OTOF: variants seen among roughly 807,000 people sequenced by gnomAD.
OTOF encodes otoferlin.
In OTOF, 218 loss-of-function variants were observed where a neutral mutation model predicts 236.8. That is an observed-to-expected ratio of 0.92 (90% confidence interval 0.82 to 1.03). The LOEUF (loss-of-function observed/expected upper bound fraction) is 1.03. OTOF is among the 50% of genes least tolerant of loss of function. The pLI, the probability that OTOF is intolerant of heterozygous loss-of-function variation, is 0.00. For synonymous variants in OTOF, 1,041 were observed against 1,072.5 expected (o/e 0.97, Z 0.57); for missense variants, 2,590 against 2,694.4 (o/e 0.96, Z 0.86).
chr2:26,491,775 C>G (rs1233929049), intron 9 of OTOF, among the ~76,000 whole-genome samples: 1 of 152,234 alleles, frequency 6.6e-6, no homozygotes, highest in Admixed American at 6.5e-5. Flanking sequence ...TGCACACAGG[C>G]AGGCTCAGGG....
Position 26,460,897 on chromosome 2 carries a change from C to T in OTOF, c.5667G>A (p.Trp1889Ter), listed in dbSNP as rs747471303. 18 of 1,614,060 alleles carry T rather than the reference C, an allele frequency of 1.1e-5. No homozygotes were observed. The highest frequency in any genetic ancestry group is 1.4e-5 in the Non-Finnish European group (17 of 1,180,036). ...SIFKQKRVKGWWPLLARNEND... is the reference protein window; with the variant it reads ...SIFKQKRVKG The stretch of plus-strand genomic sequence containing the variant: ...TCTCATTGCGGGCCAGGAGGGGCCA[C>T]CAGCCTTTGACGCGCTTTTGCTTGA... Residue 1889 changes from tryptophan (W) to a stop codon, truncating the protein, a stop_gained, in exon 44 of 47, where the codon TGG (tryptophan) becomes TGA (stop). Coordinates refer to ENST00000272371, the MANE Select transcript of OTOF (RefSeq NM_194248.3). LOFTEE classifies it high-confidence loss of function. The surrounding 1 kb of genome is among the most constrained non-coding windows in gnomAD (Gnocchi z 5.3).
Position 26,477,059 on chromosome 2 carries a change from T to TGGGGGGG in OTOF, c.2524-17_2524-16insCCCCCCC. The stretch of plus-strand genomic sequence containing the variant: ...TGTGCTGGGGCTGGGGGTTGGGGGG[T>TGGGGGGG]GGCCAGGGGCAGTGGGTAAGGGGGT... On this transcript the variant is annotated splice_polypyrimidine_tract_variant and intron_variant, in intron 21 of 46. Coordinates refer to ENST00000272371, the MANE Select transcript of OTOF (RefSeq NM_194248.3). The surrounding 1 kb of genome is among the most constrained non-coding windows in gnomAD (Gnocchi z 4.7). The TGGGGGGG allele has an allele frequency of 1.2e-6, 1 of 828,524 alleles. No homozygotes were observed. The highest frequency in any genetic ancestry group is 1.9e-6 in the Non-Finnish European group (1 of 520,110). 51.3% of individuals were successfully genotyped at this position (828,524 alleles called of 1,614,324 possible).
chr2:26,498,179 C>G (rs1666035396), intron 8 of OTOF, among the ~76,000 whole-genome samples: 1 of 152,206 alleles, frequency 6.6e-6, no homozygotes, highest in Non-Finnish European at 1.5e-5. Context: ...ATACGTTTCT[C>G]CCTTCCTCCA....
Position 26,475,928 on chromosome 2 carries a change from T to A in OTOF, c.2977A>T (p.Ser993Cys), listed in dbSNP as rs1665236048. 6.2e-7 allele frequency: 1 copy of A among 1,609,064 alleles called. No homozygotes were observed. The highest frequency in any genetic ancestry group is 8.5e-7 in the Non-Finnish European group (1 of 1,178,314). The change falls in exon 24 of 47, where the codon AGT becomes TGT. Residue 993 changes from serine to cysteine, a missense_variant. This residue lies in a region of OTOF where 1,379 missense variants were observed against 1,341.6 expected (regional missense o/e 1.03). Transcript: ENST00000272371. ...CAGGCCCTCACCTCTGTGCACTGAC[T>A]CTGATTGATGAAGAAGACGCGGGCA... ...PFARVFFINQ[S>C]QCTEVLNETL...
At chr2:26,547,276 G>T (rs1667356001) in intron 1 of OTOF, among the ~76,000 whole-genome samples, 1 of 152,004 alleles carries the variant, frequency 6.6e-6, no homozygotes, top group Non-Finnish European at 1.5e-5. Context: ...AAAATATTTT[G>T]ATTTTCTACT....
chr2:26,480,130 G>C, intron 16 of OTOF, 73 bp downstream of exon 16: 1 of 859,962 alleles, frequency 1.2e-6, no homozygotes, highest in Non-Finnish European at 2.0e-6. Context: ...CTTACCACCT[G>C]CAGCCTAGGC....
In OTOF at chr2:26,479,516, AGGCCAGGTCCCCGGC is replaced by A; in HGVS notation, c.2035_2049del (p.Ala679_Ala683del). 6.2e-7 allele frequency: 1 copy of A among 1,604,786 alleles called. No homozygotes were observed. Among genetic ancestry groups the A allele is most frequent in the Non-Finnish European group, 8.5e-7 (1 of 1,176,554 alleles). On this transcript the variant is annotated inframe_deletion, in exon 17 of 47. Transcript: ENST00000272371. ...CGCATTGGTGGAGTGGAGGAGACTG[AGGCCAGGTCCCCGGC>A]ATCACCGGCCTCGTCATCACTTGCG...
rs764819016 is a variant in OTOF at position 26,473,202 on chromosome 2, A to T, written c.3663T>A (p.His1221Gln). ...AFGRYTLVGSHAVSSLRRFIY... is the reference protein window; with the variant it reads ...AFGRYTLVGSQAVSSLRRFIY... ...TGAAGCGTCGCAGGGAGCTGACGGC[A>T]TGGGAGCCCACCAGTGTGTAGCGAC... The change falls in exon 29 of 47, where the codon CAT (histidine) becomes CAA (glutamine). Residue 1221 changes from histidine to glutamine, a missense_variant. Physicochemically the swap from His to Gln is conservative, Grantham distance 24. Around this residue, in one of 2 missense-constraint regions of OTOF, gnomAD observed 1,211 missense variants for 1,352.8 expected, o/e 0.90. Transcript: ENST00000272371. This position sits in a 1 kb window ranked among gnomAD's most constrained non-coding sequence, Gnocchi z 7.2. 6 of 1,613,152 alleles carry T rather than the reference A, an allele frequency of 3.7e-6. No homozygotes were observed. The highest frequency in any genetic ancestry group is 1.3e-5 in the African/African-American group (1 of 75,038).
intron 11 of OTOF, among the ~76,000 whole-genome samples, chr2:26,487,074 C>T (rs1665718245): frequency 6.6e-6 from 1 of 152,164 alleles, no homozygotes; most frequent in African/African-American, 2.4e-5. Flanking sequence ...AAACAGTTTC[C>T]TGATGTTGCA....
At chr2:26,515,866 C>A (rs1469118340) in intron 5 of OTOF, among the ~76,000 whole-genome samples, 1 of 152,204 alleles carries the variant, frequency 6.6e-6, no homozygotes, top group South Asian at 2.1e-4. Flanking sequence ...TCCTGTGATC[C>A]ATAGGTGGCA....
chr2:26,529,753 G>C (rs1172987683), intron 2 of OTOF, among the ~76,000 whole-genome samples: 1 of 150,502 alleles, frequency 6.6e-6, no homozygotes, highest in Non-Finnish European at 1.5e-5. Flanking sequence ...CCTGGCCTTG[G>C]CATGAGAGGG....
At chr2:26,531,972 A>G (rs1283002041) in intron 2 of OTOF, among the ~76,000 whole-genome samples, 1 of 151,816 alleles carries the variant, frequency 6.6e-6, no homozygotes, top group Non-Finnish European at 1.5e-5. Flanking sequence ...GCATGCCTGT[A>G]ATCTCAGCTA....
At position 26,472,651 on chromosome 2, in the gene OTOF, T is replaced by A. The variant is rs748827423; in HGVS notation, c.3734-2A>T. The A allele has an allele frequency of 2.5e-6, 4 of 1,612,784 alleles. No homozygotes were observed. The South Asian group carries it at 4.4e-5, about 18-fold the overall frequency. On this transcript the variant is annotated splice_acceptor_variant, in intron 29 of 46. Coordinates refer to ENST00000272371, the MANE Select transcript of OTOF (RefSeq NM_194248.3). LOFTEE classifies it high-confidence loss of function. ...CACGGCAGCGCCGGAGAAGCCTGAC[T>A]GGACAGATGGATAGATGGACAGACA... is the stretch of plus-strand genomic sequence containing the variant.
Position 26,477,914 on chromosome 2 carries a change from AGGT to A in OTOF, c.2215-168_2215-166del, listed in dbSNP as rs1213259714. 9 of 1,526,974 alleles carry A rather than the reference AGGT, an allele frequency of 5.9e-6. No homozygotes were observed. The highest frequency in any genetic ancestry group is 2.1e-5 in the Admixed American group (1 of 48,334). 94.6% of individuals were successfully genotyped at this position (1,526,974 alleles called of 1,614,324 possible). A position where few individuals can be genotyped will look rare whatever the true frequency, so the allele number is the denominator to read the frequency against. On this transcript the variant is annotated intron_variant, in intron 18 of 46. Transcript: ENST00000272371. The surrounding 1 kb of genome is among the most constrained non-coding windows in gnomAD (Gnocchi z 4.7). ...ATCATGAGGAAGTCATCAATTTCCC[AGGT>A]TCTGTTCTCAGAACCTGGAGATGTT...
rs554213027 is a variant in OTOF at position 26,526,009 on chromosome 2, C to T, written c.227+1823G>A. Among the ~76,000 whole-genome samples, 3 of 149,146 alleles carry T rather than the reference C, an allele frequency of 2.0e-5. No homozygotes were observed. The South Asian group carries it at 6.3e-4, about 32-fold the overall frequency. ...GGCTGATACAGGATAATTGCTTGAA[C>T]CAGAGAGGCGGAGGTTGCAGTGAGC... On this transcript the variant is annotated intron_variant, in intron 3 of 46. Transcript: ENST00000272371.
chr2:26,480,316 G>A lies in OTOF; in HGVS notation c.1804-5C>T, dbSNP rs928879964. On this transcript the variant is annotated splice_region_variant and splice_polypyrimidine_tract_variant and intron_variant, in intron 15 of 46. Transcript: ENST00000272371. Reference sequence around the variant, plus strand: ...TTCCATTTTACCTGCACAGCTCTGTGGGGAGGCAGTTCAAAGCGTTCCTGA... The same window carrying A: ...TTCCATTTTACCTGCACAGCTCTGTAGGGAGGCAGTTCAAAGCGTTCCTGA... 2 of 1,567,822 alleles carry A rather than the reference G, an allele frequency of 1.3e-6. No homozygotes were observed. The highest frequency in any genetic ancestry group is 1.7e-4 in the Middle Eastern group (1 of 5,982).
Position 26,474,019 on chromosome 2 carries a change from CG to C in OTOF, c.3379del (p.Arg1127GlyfsTer19). 1 of 1,612,972 alleles carries C rather than the reference CG, an allele frequency of 6.2e-7. No homozygotes were observed. Among genetic ancestry groups the C allele is most frequent in the East Asian group, 2.2e-5 (1 of 44,862 alleles). The part of the protein sequence containing the change: ...GPIMPVPMGI[R>X]PVLSKYRVEV... Reference sequence around the variant, plus strand: ...CACTCGGTACTTGCTGAGCACGGGCCGGATGCCCATGGGCACGGGCATGATG... The same window carrying C: ...CACTCGGTACTTGCTGAGCACGGGCCGATGCCCATGGGCACGGGCATGATG... On this transcript the variant is annotated frameshift_variant, in exon 27 of 47. Coordinates refer to ENST00000272371, the MANE Select transcript of OTOF (RefSeq NM_194248.3). LOFTEE classifies it high-confidence loss of function.
At chr2:26,546,751 T>TG (rs1227288421) in intron 1 of OTOF, among the ~76,000 whole-genome samples, 1 of 151,696 alleles carries the variant, frequency 6.6e-6, no homozygotes, top group Admixed American at 6.6e-5. Context: ...ATGTTTGGTT[T>TG]TTTTTTTTTT....
At chr2:26,468,157 A>G (rs1017931453) in intron 33 of OTOF, among the ~76,000 whole-genome samples, 8 of 152,220 alleles carry the variant, frequency 5.3e-5, no homozygotes, top group African/African-American at 1.4e-4. Context: ...GGTCCCTTCT[A>G]GCTCTGATGT....
Sources: allele counts gnomAD v4.1 joint callset (sites outside exome capture counted in the v4.1 genomes callset), GRCh38; gene constraint gnomAD v4.1.1; regional missense constraint gnomAD v4.1.1; non-coding constraint Gnocchi (gnomAD v3.1); transcripts MANE v1.5; gene names NCBI Gene and HGNC (gene_info 2026-07-23, HGNC 2026-07-21).